PDLIM2: variants seen among roughly 807,000 people sequenced by gnomAD.
PDLIM2 encodes PDZ and LIM domain 2, also known as PDZ and LIM domain protein 2.
A neutral mutation model predicts 54.1 loss-of-function variants in PDLIM2; 51 were observed. The observed-to-expected ratio is 0.94, with a 90% CI of 0.75 to 1.19. PDLIM2 has a LOEUF of 1.19. PDLIM2 is among the 50% of genes most tolerant of loss of function. The pLI, the probability that PDLIM2 is intolerant of heterozygous loss-of-function variation, is 0.00. For missense variants in PDLIM2, 912 were observed against 874.0 expected, an observed-to-expected ratio of 1.04 and a Z score of -0.55; for synonymous variants, 398 against 385.6, an observed-to-expected ratio of 1.03 and a Z score of -0.38.
intron 1 of PDLIM2, 194 bp from the exon 1 acceptor site, chr8:22,580,281 T>A (rs2117334154): frequency 2.5e-6 from 1 of 404,234 alleles, no homozygotes; most frequent in East Asian, 5.9e-5. Flanking sequence ...TGGCATCCCC[T>A]CCACTTGCCA....
chr8:22,584,766 G>A lies in PDLIM2; in HGVS notation c.996-55G>A, dbSNP rs952289346. On this transcript the variant is annotated intron_variant, in intron 3 of 9. Coordinates refer to ENST00000308354, the Ensembl canonical transcript of PDLIM2. The stretch of plus-strand genomic sequence containing the variant: ...CTGGGAACAGTTTTGGCCTCTTTTG[G>A]GGGTTGCAGGGTGCAGGGCCCCTGT... 6.4e-6 allele frequency: 10 copies of A among 1,568,976 alleles called. No individual in the cohort carries two copies. In the Admixed American group the frequency reaches 1.5e-4, roughly 24 times the overall value.
chr8:22,585,027 G>C (rs201303607), exon 5 of PDLIM2: 1 of 1,613,958 alleles, frequency 6.2e-7, no homozygotes, highest in South Asian at 1.1e-5. Context: ...GGCTCCGTGA[G>C]GACATACACT....
downstream of PDLIM2, chr8:22,596,108 T>G (rs1222008438): frequency 6.6e-6 from 1 of 152,196 alleles, no homozygotes; most frequent in Middle Eastern, 3.2e-3. Flanking sequence ...TGGGAACACT[T>G]GGAAGGTTTT....
intron 6 of PDLIM2, among the ~76,000 whole-genome samples, chr8:22,586,768 G>T (rs1168322262): frequency 6.6e-6 from 1 of 152,112 alleles, no homozygotes; most frequent in Non-Finnish European, 1.5e-5. Context: ...CCATCGTGTT[G>T]CCCCCAGTCC....
At chr8:22,592,876 A>C (rs1268204308) in intron 9 of PDLIM2, 1 of 152,208 alleles carries the variant, frequency 6.6e-6, no homozygotes, top group Non-Finnish European at 1.5e-5. Flanking sequence ...ACTTTTAAAA[A>C]AAATTTTTAA....
At chr8:22,580,450 C>T in intron 1 of PDLIM2, 25 bp from the exon 1 acceptor site, 1 of 1,482,098 alleles carries the variant, frequency 6.7e-7, no homozygotes, top group Non-Finnish European at 9.0e-7. Context: ...AGGGAGTTAG[C>T]CACTTCCTCT....
At chr8:22,584,748 C>A in intron 3 of PDLIM2, 73 bp from the exon 3 acceptor site, 1 of 1,420,324 alleles carries the variant, frequency 7.0e-7, no homozygotes, top group Non-Finnish European at 9.9e-7. Context: ...GATCTGGGAA[C>A]AGTTTTGGCC....
At chr8:22,581,599 C>A in intron 3 of PDLIM2, 69 bp downstream of exon 2, 2 of 1,491,716 alleles carry the variant, frequency 1.3e-6, no homozygotes, top group Non-Finnish European at 1.8e-6. Context: ...TTGAGCAGCC[C>A]TTGCTCCTGC....
intron 8 of PDLIM2, chr8:22,589,947 C>T: frequency 6.3e-6 from 4 of 633,938 alleles, no homozygotes; most frequent in Non-Finnish European, 1.1e-5. Context: ...CACCAGCGTG[C>T]TCCCACAGAG....
At chr8:22,586,609 G>C (rs1800389693) in intron 6 of PDLIM2, among the ~76,000 whole-genome samples, 1 of 152,054 alleles carries the variant, frequency 6.6e-6, no homozygotes, top group South Asian at 2.1e-4. Flanking sequence ...GGATTTTTTA[G>C]GGGGAACCTT....
intron 1 of PDLIM2, chr8:22,579,860 C>T: frequency 3.6e-6 from 1 of 277,460 alleles, no homozygotes; most frequent in Non-Finnish European, 6.7e-6. Flanking sequence ...GCCTGTCACC[C>T]CGGCTGTCTG....
chr8:22,591,306 G>T, intron 8 of PDLIM2: 1 of 569,870 alleles, frequency 1.8e-6, no homozygotes, highest in Non-Finnish European at 3.1e-6. Context: ...CTGACACTGA[G>T]CACAGATGGC....
At chr8:22,594,390 G>A (rs917194655), downstream of PDLIM2, 18 of 1,539,742 alleles carry the variant, frequency 1.2e-5, no homozygotes, top group East Asian at 9.0e-5. Context: ...TGCAACATAC[G>A]TTTCTTCTTC....
chr8:22,589,203 G>T, intron 6 of PDLIM2, 95 bp from the exon 6 acceptor site: 1 of 1,359,368 alleles, frequency 7.4e-7, no homozygotes, highest in Non-Finnish European at 1.0e-6. Flanking sequence ...GGGGCCCCCT[G>T]GTGTCGGGCC....
At chr8:22,592,661 G>A (rs1800585669) in intron 9 of PDLIM2, 2 of 152,208 alleles carry the variant, frequency 1.3e-5, no homozygotes, top group African/African-American at 4.8e-5. Flanking sequence ...GTCCCTTGGA[G>A]GGTTTGTTAA....
chr8:22,593,389 T>C, intron 9 of PDLIM2: 1 of 224,052 alleles, frequency 4.5e-6, no homozygotes, highest in Middle Eastern at 1.5e-3. Context: ...CCGTCCTGGC[T>C]AACACGGTAA....
intron 3 of PDLIM2, among the ~76,000 whole-genome samples, chr8:22,583,785 TA>T (rs1800281892): frequency 8.1e-6 from 1 of 123,924 alleles, no homozygotes; most frequent in Non-Finnish European, 1.6e-5. Context: ...AAAAAATCAG[TA>T]ATCTTCCCCC....
exon 10 of PDLIM2, chr8:22,594,045 G>A (rs1422471563): frequency 6.9e-7 from 1 of 1,450,812 alleles, no homozygotes; most frequent in Non-Finnish European, 9.0e-7. Context: ...TGTCCTCGCT[G>A]GGTGGGCCAA....
chr8:22,585,364 C>A (rs143693086), exon 6 of PDLIM2: 7 of 1,612,440 alleles, frequency 4.3e-6, no homozygotes, highest in Middle Eastern at 3.3e-4. Flanking sequence ...CGCTGCTGAC[C>A]GCCTGTCCTA....
Sources: allele counts gnomAD v4.1 joint callset (sites outside exome capture counted in the v4.1 genomes callset), GRCh38; gene constraint gnomAD v4.1.1; transcripts MANE v1.5; gene names NCBI Gene and HGNC (gene_info 2026-07-23, HGNC 2026-07-21).